PCDH15: variants seen among roughly 807,000 people sequenced by gnomAD.
The protein encoded by PCDH15 is protocadherin related 15.
A neutral mutation model predicts 178.5 loss-of-function variants in PCDH15; 129 were observed. That is an observed-to-expected ratio of 0.72 (90% confidence interval 0.63 to 0.84). The LOEUF (loss-of-function observed/expected upper bound fraction) is 0.84, where lower values mean the gene tolerates loss of function less well. Ranked by LOEUF, PCDH15 falls within the 40% of genes least tolerant of loss-of-function variation. The probability of loss-of-function intolerance (pLI) is 0.00; values close to 1 mark genes in which losing one functional copy is unlikely to be tolerated. For synonymous variants in PCDH15, 800 were observed against 732.0 expected (o/e 1.09, Z -1.50); for missense variants, 2,230 against 2,099.9 (o/e 1.06, Z -1.21).
chr10:53,843,535 C>A (rs893593768), intron 28 of PCDH15, among the ~76,000 whole-genome samples: 1 of 151,868 alleles, frequency 6.6e-6, no homozygotes, highest in Non-Finnish European at 1.5e-5. Context: ...GTTAATAATG[C>A]TTAGAGCTGG....
At chr10:54,816,047 G>A (rs1306781323) in intron 3 of PCDH15, among the ~76,000 whole-genome samples, 1 of 152,042 alleles carries the variant, frequency 6.6e-6, no homozygotes, top group Non-Finnish European at 1.5e-5. Flanking sequence ...TTTTGGTGGT[G>A]TAGGTGTTGG....
intron 15 of PCDH15, among the ~76,000 whole-genome samples, chr10:54,109,619 T>C (rs1479590286): frequency 6.6e-6 from 1 of 152,156 alleles, no homozygotes; most frequent in African/African-American, 2.4e-5. Flanking sequence ...TCTCATTTAT[T>C]CATGTGAGCT....
chr10:55,280,219 T>C (rs1318682264), intron 1 of PCDH15, among the ~76,000 whole-genome samples: 1 of 151,688 alleles, frequency 6.6e-6, no homozygotes, highest in East Asian at 1.9e-4. Context: ...TCTCAATTGC[T>C]TGGACAAAGA....
chr10:55,386,818 T>C (rs1837671016), intron 2 of PCDH15, among the ~76,000 whole-genome samples: 1 of 152,142 alleles, frequency 6.6e-6, no homozygotes, highest in Admixed American at 6.6e-5. Context: ...TGAAGTGGTA[T>C]GTAATGCGTG....
chr10:55,392,129 A>G (rs1837808095), intron 2 of PCDH15, among the ~76,000 whole-genome samples: 1 of 152,190 alleles, frequency 6.6e-6, no homozygotes, highest in South Asian at 2.1e-4. Context: ...GTGCCCCAAC[A>G]CAAATGAAAT....
intron 2 of PCDH15, among the ~76,000 whole-genome samples, chr10:55,070,360 A>G (rs1207790619): frequency 6.6e-6 from 1 of 151,404 alleles, no homozygotes; most frequent in African/African-American, 2.4e-5. Flanking sequence ...GCCCATGCCT[A>G]TGTCCTGAAT....
chr10:54,934,634 C>G (rs867338488), intron 2 of PCDH15, among the ~76,000 whole-genome samples: 12 of 151,076 alleles, frequency 7.9e-5, no homozygotes, highest in Admixed American at 2.6e-4. Context: ...GTTGGTGGGA[C>G]TGTAAACTAG....
At chr10:54,194,083 A>G (rs1322592079) in intron 11 of PCDH15, among the ~76,000 whole-genome samples, 1 of 150,278 alleles carries the variant, frequency 6.7e-6, no homozygotes, top group Non-Finnish European at 1.5e-5. Flanking sequence ...AAAAGCTAGA[A>G]TGGAAAAAGA....
At chr10:54,868,116 A>G (rs772656961) in intron 3 of PCDH15, among the ~76,000 whole-genome samples, 1 of 152,192 alleles carries the variant, frequency 6.6e-6, no homozygotes, top group Non-Finnish European at 1.5e-5. Context: ...ATCTTAATAA[A>G]GCTGAGGGGG....
intron 2 of PCDH15, among the ~76,000 whole-genome samples, chr10:55,572,867 G>A (rs1302820695): frequency 4.6e-5 from 7 of 152,052 alleles, no homozygotes; most frequent in South Asian, 2.1e-4. Flanking sequence ...TGGGGTACCC[G>A]AAGAGCAGCA....
chr10:55,569,730 G>T, intron 2 of PCDH15, among the ~76,000 whole-genome samples: 2 of 151,862 alleles, frequency 1.3e-5, no homozygotes. Flanking sequence ...TCAGAAATAA[G>T]AAAACGTAAA....
chr10:53,862,866 G>T (rs2079189200), intron 27 of PCDH15, among the ~76,000 whole-genome samples: 1 of 152,132 alleles, frequency 6.6e-6, no homozygotes, highest in Non-Finnish European at 1.5e-5. Flanking sequence ...AGGTGTTTAG[G>T]ACACTTTCGT....
intron 1 of PCDH15, among the ~76,000 whole-genome samples, chr10:54,793,296 A>G (rs1181204585): frequency 2.0e-5 from 3 of 151,956 alleles, no homozygotes; most frequent in African/African-American, 2.4e-5. Context: ...TCTATTTTCA[A>G]TATCTCTGGT....
At chr10:55,385,157 A>C (rs776427608) in intron 2 of PCDH15, among the ~76,000 whole-genome samples, 1 of 152,128 alleles carries the variant, frequency 6.6e-6, no homozygotes, top group Admixed American at 6.6e-5. Flanking sequence ...AAATAAAGAA[A>C]ATTTACGTGT....
chr10:55,405,283 G>GATAT (rs72121105), intron 2 of PCDH15, among the ~76,000 whole-genome samples: 1,634 of 108,058 alleles, frequency 0.015, 98 homozygotes, highest in African/African-American at 0.052. Context: ...TGAGGTAACA[G>GATAT]ATATATATAT....
intron 3 of PCDH15, among the ~76,000 whole-genome samples, chr10:54,806,446 T>C (rs951583369): frequency 1.3e-5 from 2 of 151,726 alleles, no homozygotes; most frequent in Non-Finnish European, 2.9e-5. Context: ...GAAAAAAAAA[T>C]CATTTGGTTA....
chr10:54,314,962 T>C (rs1053060175), intron 8 of PCDH15, among the ~76,000 whole-genome samples: 1 of 152,168 alleles, frequency 6.6e-6, no homozygotes, highest in African/African-American at 2.4e-5. Flanking sequence ...ATTGACTCCA[T>C]GTCTTTGCTA....
In PCDH15 at chr10:54,623,965, TA is replaced by T. The variant is rs973129307; in HGVS notation, c.91+40206del. ...ATTTTAAAATGAAATCATATGAAAT[TA>T]ATTTATCAAGATTAACTGTAGTGAT... On this transcript the variant is annotated intron_variant, in intron 2 of 37. Coordinates refer to ENST00000644397, the MANE Select transcript of PCDH15 (RefSeq NM_001384140.1). Among the ~76,000 whole-genome samples, 69 of 152,270 alleles carry T rather than the reference TA, an allele frequency of 4.5e-4. 1 individual carries two copies. Among genetic ancestry groups the T allele is most frequent in the African/African-American group, 1.6e-3 (66 of 41,570 alleles).
chr10:55,396,573 C>A (rs1481215974), intron 2 of PCDH15, among the ~76,000 whole-genome samples: 1 of 152,052 alleles, frequency 6.6e-6, no homozygotes, highest in African/African-American at 2.4e-5. Context: ...AATAGAAAAG[C>A]CAAGCAAGAA....
Sources: allele counts gnomAD v4.1 joint callset (sites outside exome capture counted in the v4.1 genomes callset), GRCh38; gene constraint gnomAD v4.1.1; transcripts MANE v1.5; gene names NCBI Gene and HGNC (gene_info 2026-07-23, HGNC 2026-07-21).